Variants in SLC14A2 observed in about 807,000 individuals in gnomAD.
SLC14A2 encodes the protein urea transporter 2.
Under a neutral mutation model 104.6 loss-of-function variants are expected in SLC14A2, and 91 were observed. The ratio of observed to expected loss-of-function variants is 0.87; its 90% CI spans 0.73 to 1.04. The LOEUF is 1.04. Among genes scored for constraint, SLC14A2 ranks in the 50% least tolerant of loss-of-function variants. The pLI is 0.00. For synonymous variants in SLC14A2, 476 were observed against 466.4 expected, an observed-to-expected ratio of 1.02 and a Z score of -0.27; for missense variants, 1,189 against 1,156.0, an observed-to-expected ratio of 1.03 and a Z score of -0.41.
chr18:45,445,253 A>G (rs1205380877), intron 1 of SLC14A2, among the ~76,000 whole-genome samples: 1 of 152,052 alleles, frequency 6.6e-6, no homozygotes, highest in African/African-American at 2.4e-5. Flanking sequence ...CTGGGACTAC[A>G]GGCATGCACC....
the SLC14A2 span, among the ~76,000 whole-genome samples, chr18:45,206,418 TACACACACACGTACAC>T: frequency 6.7e-6 from 1 of 149,130 alleles, no homozygotes; most frequent in Non-Finnish European, 1.5e-5. Flanking sequence ...CACATACACA[TACACACACACGTACAC>T]ACACACACAC....
intron 1 of SLC14A2, among the ~76,000 whole-genome samples, chr18:45,221,878 G>A (rs1258848352): frequency 6.6e-6 from 1 of 151,956 alleles, no homozygotes; most frequent in Non-Finnish European, 1.5e-5. Context: ...GTAAGGCATG[G>A]GAAAGATAGA....
At chr18:45,568,426 G>T (rs574578255) in intron 2 of SLC14A2, among the ~76,000 whole-genome samples, 6 of 152,356 alleles carry the variant, frequency 3.9e-5, no homozygotes, top group East Asian at 1.9e-4. Flanking sequence ...GAGGAGTTCT[G>T]CTGGCTAAAT....
At chr18:45,667,787 G>A (rs369982136) in intron 13 of SLC14A2, 46 bp from the exon 14 acceptor site, 10 of 1,539,980 alleles carry the variant, frequency 6.5e-6, no homozygotes, top group African/African-American at 5.4e-5. Context: ...ACCCAGGGCT[G>A]CCCACACTGA....
At chr18:45,200,553 G>A in the SLC14A2 span, among the ~76,000 whole-genome samples, 2 of 152,050 alleles carry the variant, frequency 1.3e-5, no homozygotes, top group Non-Finnish European at 2.9e-5. Context: ...TTCTACCATA[G>A]AATTTGTTTT....
intron 2 of SLC14A2, among the ~76,000 whole-genome samples, chr18:45,521,481 G>A (rs1363230765): frequency 1.3e-5 from 2 of 152,032 alleles, no homozygotes; most frequent in Non-Finnish European, 2.9e-5. Flanking sequence ...CACAAGAAAG[G>A]TACAAAAAAG....
chr18:45,170,312 G>A, the SLC14A2 span, among the ~76,000 whole-genome samples: 1 of 152,104 alleles, frequency 6.6e-6, no homozygotes, highest in Non-Finnish European at 1.5e-5. Flanking sequence ...AGAAGCAGAA[G>A]GGCAGGCAGA....
At chr18:45,180,459 C>T in the SLC14A2 span, among the ~76,000 whole-genome samples, 19,259 of 152,100 alleles carry the variant, frequency 0.13, 1,337 homozygotes, top group African/African-American at 0.19. Context: ...AAAATAAGCA[C>T]TGAAATCATT....
chr18:45,279,382 G>C (rs2084738326), intron 1 of SLC14A2, among the ~76,000 whole-genome samples: 5 of 152,136 alleles, frequency 3.3e-5, no homozygotes, highest in Admixed American at 3.3e-4. Flanking sequence ...TCACTTTGAG[G>C]GCTTGCAGTA....
chr18:45,292,060 A>C (rs1346121694), intron 1 of SLC14A2, among the ~76,000 whole-genome samples: 1 of 152,110 alleles, frequency 6.6e-6, no homozygotes, highest in East Asian at 1.9e-4. Flanking sequence ...ACTGTATTAG[A>C]GCATTTTTTT....
chr18:45,621,598 T>TC (rs1321531410), intron 1 of SLC14A2, among the ~76,000 whole-genome samples: 1 of 151,998 alleles, frequency 6.6e-6, no homozygotes, highest in African/African-American at 2.4e-5. Context: ...CCCCCCCACC[T>TC]CTTCCTTCCA....
chr18:45,494,915 TACACACAC>T (rs58079608), intron 2 of SLC14A2, among the ~76,000 whole-genome samples: 1 of 148,638 alleles, frequency 6.7e-6, no homozygotes, highest in African/African-American at 2.5e-5. Context: ...CACACACACA[TACACACAC>T]ACACACACAC....
chr18:45,680,352 T>C (rs16978446), intron 19 of SLC14A2, among the ~76,000 whole-genome samples: 7,701 of 152,280 alleles, frequency 0.051, 573 homozygotes, highest in African/African-American at 0.16. Context: ...GATTAGACTA[T>C]TCAGTTTAGA....
At chr18:45,500,710 C>T (rs916233886) in intron 2 of SLC14A2, among the ~76,000 whole-genome samples, 9 of 152,172 alleles carry the variant, frequency 5.9e-5, no homozygotes, top group Non-Finnish European at 1.3e-4. Context: ...GTTCCCAGCC[C>T]CTTCTTTACT....
At chr18:45,557,024 G>C (rs928739817) in intron 2 of SLC14A2, among the ~76,000 whole-genome samples, 2 of 152,234 alleles carry the variant, frequency 1.3e-5, no homozygotes, top group Admixed American at 1.3e-4. Context: ...GTGAAATATA[G>C]CATCACTCCC....
chr18:45,655,373 T>A (rs541064774), intron 10 of SLC14A2, among the ~76,000 whole-genome samples: 1 of 152,200 alleles, frequency 6.6e-6, no homozygotes, highest in African/African-American at 2.4e-5. Flanking sequence ...CTGTGAGGCA[T>A]GAATGTGCCC....
At chr18:45,271,619 A>G (rs1274535875) in intron 1 of SLC14A2, among the ~76,000 whole-genome samples, 1 of 152,156 alleles carries the variant, frequency 6.6e-6, no homozygotes, top group Non-Finnish European at 1.5e-5. Context: ...TATAATGAAA[A>G]CTATAAAACA....
chr18:45,290,799 T>C (rs2084862073), intron 1 of SLC14A2, among the ~76,000 whole-genome samples: 2 of 152,248 alleles, frequency 1.3e-5, no homozygotes, highest in African/African-American at 4.8e-5. Context: ...ATGTGGCTAC[T>C]AGAAAATTTA....
intron 1 of SLC14A2, among the ~76,000 whole-genome samples, chr18:45,333,743 G>A (rs1001563088): frequency 1.3e-5 from 2 of 152,156 alleles, no homozygotes; most frequent in Non-Finnish European, 2.9e-5. Context: ...AGAAGGCAAG[G>A]TTAAGCTAAA....
Sources: gnomAD v4.1 joint callset for allele counts (sites outside exome capture counted in the v4.1 genomes callset) on GRCh38, gnomAD v4.1.1 for gene constraint, MANE v1.5 for transcripts, NCBI Gene and HGNC (gene_info 2026-07-23, HGNC 2026-07-21) for gene names.